The following ME1 variants were observed in gnomAD, a reference collection of about 807,000 sequenced individuals.
ME1 encodes NADP-dependent malic enzyme.
In ME1, 74 loss-of-function variants were observed where a neutral mutation model predicts 66.4. The ratio of observed to expected loss-of-function variants is 1.11; its 90% confidence interval spans 0.92 to 1.35. The LOEUF (loss-of-function observed/expected upper bound fraction) is 1.35, where lower values mean the gene tolerates loss of function less well. Ranked by LOEUF, ME1 falls within the 40% of genes most tolerant of loss-of-function variation. ME1 has a pLI of 0.00. For missense variants in ME1, 750 were observed against 694.1 expected, an observed-to-expected ratio of 1.08 and a Z score of -0.90; for synonymous variants, 251 against 235.6, an observed-to-expected ratio of 1.07 and a Z score of -0.60.
At chr6:83,309,889 G>A (rs1340486177) in intron 6 of ME1, among the ~76,000 whole-genome samples, 2 of 152,006 alleles carry the variant, frequency 1.3e-5, no homozygotes, top group Non-Finnish European at 2.9e-5. Flanking sequence ...TATCCTGGAA[G>A]CAAAGAGAAG....
chr6:83,426,671 T>C (rs114156981), intron 1 of ME1, among the ~76,000 whole-genome samples: 4,047 of 152,292 alleles, frequency 0.027, 185 homozygotes, highest in African/African-American at 0.089. Flanking sequence ...AACAAACAGC[T>C]ACAAAAGCTG....
rs1766934143 is a variant in ME1, at chr6:83,263,550, T to C, written c.705-9812A>G. ...AGCAAAAAAAGTCTTTTTTTGGGAG[T>C]CTTTTGATAGGGAGAACGTTTGAGT... is the stretch of plus-strand genomic sequence containing the variant. On this transcript the variant is annotated intron_variant, in intron 6 of 13. Coordinates refer to ENST00000369705, the MANE Select transcript of ME1 (RefSeq NM_002395.6). 2.0e-5 allele frequency among the ~76,000 whole-genome samples: 3 copies of C among 151,728 alleles called. No individual in the cohort carries two copies. The South Asian group carries it at 6.2e-4, about 32-fold the overall frequency.
intron 1 of ME1, among the ~76,000 whole-genome samples, chr6:83,422,017 G>A (rs955978848): frequency 2.6e-5 from 4 of 151,970 alleles, no homozygotes; most frequent in African/African-American, 7.3e-5. Flanking sequence ...CCAGTTTTCC[G>A]GCCATGAGGA....
chr6:83,313,052 T>G (rs1767960920), intron 6 of ME1, among the ~76,000 whole-genome samples: 1 of 152,178 alleles, frequency 6.6e-6, no homozygotes, highest in Non-Finnish European at 1.5e-5. Flanking sequence ...CCACTGTGCC[T>G]GGCCCAAGGG....
chr6:83,354,326 T>G (rs1447719742), intron 3 of ME1, among the ~76,000 whole-genome samples: 2 of 152,114 alleles, frequency 1.3e-5, no homozygotes, highest in African/African-American at 2.4e-5. Context: ...GAGATGGGGT[T>G]TCACCACGTT....
At chr6:83,284,002 G>A (rs1767353598) in intron 6 of ME1, among the ~76,000 whole-genome samples, 1 of 152,046 alleles carries the variant, frequency 6.6e-6, no homozygotes, top group Admixed American at 6.6e-5. Context: ...AGATTAACAA[G>A]GAAAAAGCAA....
intron 9 of ME1, 105 bp downstream of exon 9, chr6:83,237,610 CTT>C: frequency 5.2e-6 from 3 of 581,908 alleles, no homozygotes; most frequent in Non-Finnish European, 9.1e-6. Context: ...AATGGCTACT[CTT>C]TTAATATAGT....
chr6:83,220,185 G>C (rs1258635117), intron 12 of ME1, among the ~76,000 whole-genome samples: 3 of 152,182 alleles, frequency 2.0e-5, no homozygotes, highest in Admixed American at 2.0e-4. Flanking sequence ...GCTGAGTAAA[G>C]AAGAATCATT....
In ME1 at chr6:83,255,934, T is replaced by G. The variant is rs1766760457; in HGVS notation, c.705-2196A>C. 2.0e-5 allele frequency among the ~76,000 whole-genome samples: 3 copies of G among 152,170 alleles called. No homozygotes were observed. In the South Asian group the frequency reaches 6.2e-4, roughly 31 times the overall value. The stretch of plus-strand genomic sequence containing the variant: ...AGTAATGATAGTCTAACAGTAATGA[T>G]TAGTCTTACTAATCTATCAAGAAAA... On this transcript the variant is annotated intron_variant, in intron 6 of 13. Transcript: ENST00000369705.
At position 83,378,692 on chromosome 6, in the gene ME1, A is replaced by T. The variant is rs567991165; in HGVS notation, c.362+19675T>A. On this transcript the variant is annotated intron_variant, in intron 3 of 13. Transcript: ENST00000369705. ...TTCTTCCTCTTTTTTTTTTTTTTTT[A>T]ACCAATTCAATGTGGCAGTTAGCAG... is the stretch of plus-strand genomic sequence containing the variant. 3.8e-4 allele frequency among the ~76,000 whole-genome samples: 54 copies of T among 143,982 alleles called. 2 individuals carry two copies. In the South Asian group the frequency reaches 0.011, roughly 29 times the overall value. 94.5% of individuals were successfully genotyped at this position (143,982 alleles called of 152,430 possible). A position where few individuals can be genotyped will look rare whatever the true frequency, so the allele number is the denominator to read the frequency against.
chr6:83,362,474 C>T (rs1235620739), intron 3 of ME1, among the ~76,000 whole-genome samples: 1 of 152,186 alleles, frequency 6.6e-6, no homozygotes, highest in Non-Finnish European at 1.5e-5. Flanking sequence ...ACCCAATGGG[C>T]CCATGAACAA....
chr6:83,375,325 G>C (rs1769269327), intron 3 of ME1, among the ~76,000 whole-genome samples: 1 of 152,084 alleles, frequency 6.6e-6, no homozygotes, highest in Non-Finnish European at 1.5e-5. Context: ...CTTGTTAGCT[G>C]TATTCCCGGG....
At chr6:83,239,447 T>C in intron 8 of ME1, 92 bp downstream of exon 8, 1 of 855,654 alleles carries the variant, frequency 1.2e-6, no homozygotes, top group South Asian at 1.8e-5. Context: ...TACTAAAAAT[T>C]TGAAAGAATA....
intron 5 of ME1, among the ~76,000 whole-genome samples, chr6:83,330,845 C>A (rs867241307): frequency 2.8e-4 from 42 of 152,158 alleles, no homozygotes; most frequent in South Asian, 8.3e-4. Flanking sequence ...GAGGGTGGGG[C>A]AAAATGAGAC....
intron 6 of ME1, among the ~76,000 whole-genome samples, chr6:83,290,237 T>A (rs1050496355): frequency 1.3e-5 from 2 of 152,218 alleles, no homozygotes; most frequent in African/African-American, 4.8e-5. Flanking sequence ...CGATTTTAGA[T>A]CTCTCCTGCT....
rs150648728 is a variant in ME1 at position 83,292,603 on chromosome 6, C to A, written c.704+22707G>T. Among the ~76,000 whole-genome samples the A allele has an allele frequency of 4.7e-4, 71 of 152,322 alleles. No individual in the cohort carries two copies. In the East Asian group the frequency reaches 0.012, roughly 27 times the overall value. ...CAGGGACCCACTTGAGGAGGCAGTG[C>A]TTCTGTTCTTGGAGCCCAAACGCCA... On this transcript the variant is annotated intron_variant, in intron 6 of 13. Coordinates refer to ENST00000369705, the MANE Select transcript of ME1 (RefSeq NM_002395.6).
chr6:83,417,403 C>T (rs552067044), intron 1 of ME1, among the ~76,000 whole-genome samples: 27 of 148,872 alleles, frequency 1.8e-4, no homozygotes, highest in East Asian at 1.6e-3. Flanking sequence ...TGTTTTGAGA[C>T]GGAGTCTCAC....
chr6:83,259,795 T>G (rs1234979888), intron 6 of ME1, among the ~76,000 whole-genome samples: 1 of 152,156 alleles, frequency 6.6e-6, no homozygotes, highest in East Asian at 1.9e-4. Context: ...TCATTTCTCT[T>G]ACCACTCCTT....
chr6:83,300,947 C>G (rs1043083705), intron 6 of ME1, among the ~76,000 whole-genome samples: 1 of 152,106 alleles, frequency 6.6e-6, no homozygotes. Flanking sequence ...ATCGCAAGGA[C>G]AGAAAACCAA....
Sources: gnomAD v4.1 joint callset for allele counts (sites outside exome capture counted in the v4.1 genomes callset) on GRCh38, gnomAD v4.1.1 for gene constraint, MANE v1.5 for transcripts, NCBI Gene and HGNC (gene_info 2026-07-23, HGNC 2026-07-21) for gene names.